Variants in RBFOX1 observed in about 807,000 individuals in gnomAD.
The protein encoded by RBFOX1 is RNA binding fox-1 homolog 1.
RBFOX1 carries 8 observed loss-of-function variants against 57.7 expected under a neutral mutation model. The ratio of observed to expected loss-of-function variants is 0.14; its 90% CI spans 0.08 to 0.25. The LOEUF (loss-of-function observed/expected upper bound fraction) is 0.25. Ranked by LOEUF, RBFOX1 falls within the 10% of genes least tolerant of loss-of-function variation. The probability of loss-of-function intolerance (pLI) is 1.00; values close to 1 mark genes in which losing one functional copy is unlikely to be tolerated. For synonymous variants in RBFOX1, 326 were observed against 222.4 expected, an observed-to-expected ratio of 1.47 and a Z score of -4.15; for missense variants, 611 against 548.5, an observed-to-expected ratio of 1.11 and a Z score of -1.14.
chr16:5,299,129 C>T (rs2063745754), intron 1 of RBFOX1, among the ~76,000 whole-genome samples: 1 of 151,428 alleles, frequency 6.6e-6, no homozygotes, highest in Non-Finnish European at 1.5e-5. Context: ...CAATTTCCAT[C>T]ACAATAAATT....
chr16:6,582,195 C>G (rs1358541718), intron 2 of RBFOX1, among the ~76,000 whole-genome samples: 3 of 152,140 alleles, frequency 2.0e-5, no homozygotes, highest in East Asian at 1.9e-4. Flanking sequence ...GTAAAAATTT[C>G]CAAAGAATTT....
At chr16:6,879,624 C>A (rs987519771) in intron 3 of RBFOX1, among the ~76,000 whole-genome samples, 1 of 152,238 alleles carries the variant, frequency 6.6e-6, no homozygotes, top group South Asian at 2.1e-4. Context: ...ATATGTCATG[C>A]GATGTTTTAG....
intron 3 of RBFOX1, among the ~76,000 whole-genome samples, chr16:5,821,891 G>C (rs547109251): frequency 6.6e-6 from 1 of 152,220 alleles, no homozygotes; most frequent in Non-Finnish European, 1.5e-5. Flanking sequence ...TATAAGGCAC[G>C]GAGCCTTCAT....
intron 4 of RBFOX1, among the ~76,000 whole-genome samples, chr16:7,408,178 T>G (rs1236320330): frequency 6.6e-6 from 1 of 152,202 alleles, no homozygotes; most frequent in Non-Finnish European, 1.5e-5. Flanking sequence ...GACAACCTCC[T>G]ATTGAACGTC....
At chr16:5,501,810 C>A (rs2043207174) in intron 2 of RBFOX1, among the ~76,000 whole-genome samples, 1 of 152,086 alleles carries the variant, frequency 6.6e-6, no homozygotes, top group Admixed American at 6.6e-5. Flanking sequence ...AACTCCTGGG[C>A]TCAAGTGATT....
chr16:6,659,338 T>G (rs987402978), intron 3 of RBFOX1, among the ~76,000 whole-genome samples: 7 of 152,056 alleles, frequency 4.6e-5, no homozygotes, highest in African/African-American at 1.7e-4. Flanking sequence ...GAAAGGAGTT[T>G]GAGTGGTTTT....
At chr16:7,190,431 G>A (rs750109344) in intron 4 of RBFOX1, among the ~76,000 whole-genome samples, 5 of 152,116 alleles carry the variant, frequency 3.3e-5, no homozygotes, top group Non-Finnish European at 5.9e-5. Flanking sequence ...GCCTTTACAA[G>A]CATTGATGCT....
In RBFOX1 at chr16:6,341,259, T is replaced by G. The variant is rs141270408; in HGVS notation, c.-64+24202T>G. Among the ~76,000 whole-genome samples the G allele has an allele frequency of 1.0e-3, 154 of 152,240 alleles. 2 individuals are homozygous for G. The highest frequency in any genetic ancestry group is 3.5e-3 in the African/African-American group (147 of 41,550). The stretch of plus-strand genomic sequence containing the variant: ...TTTGGCCACTAGAGGCTGCCTACAT[T>G]CCTTGGCTTGTGGCGTCCTTCCATT... On this transcript the variant is annotated intron_variant, in intron 2 of 15. Coordinates refer to ENST00000550418, the MANE Select transcript of RBFOX1 (RefSeq NM_018723.4).
chr16:6,747,668 A>C (rs759760901), intron 3 of RBFOX1, among the ~76,000 whole-genome samples: 18 of 152,082 alleles, frequency 1.2e-4, no homozygotes, highest in Non-Finnish European at 2.4e-4. Flanking sequence ...CACCACCCCT[A>C]CTATGTCCTT....
intron 2 of RBFOX1, among the ~76,000 whole-genome samples, chr16:5,547,116 A>G (rs1221928305): frequency 6.6e-6 from 1 of 152,220 alleles, no homozygotes; most frequent in African/African-American, 2.4e-5. Flanking sequence ...CTTGGCAAGG[A>G]TGAAGAGAAG....
intron 1 of RBFOX1, among the ~76,000 whole-genome samples, chr16:5,463,950 C>T (rs1206177663): frequency 6.6e-6 from 1 of 152,180 alleles, no homozygotes; most frequent in Non-Finnish European, 1.5e-5. Context: ...AGGTGTCCAG[C>T]AGCCTTTGAA....
intron 11 of RBFOX1, among the ~76,000 whole-genome samples, chr16:7,650,198 C>G (rs1038461396): frequency 2.6e-5 from 4 of 152,148 alleles, no homozygotes; most frequent in Admixed American, 6.5e-5. Flanking sequence ...GCCCCTTGGC[C>G]AGCCCTAGAT....
At chr16:6,178,903 C>T (rs1315498133) in intron 1 of RBFOX1, among the ~76,000 whole-genome samples, 3 of 152,168 alleles carry the variant, frequency 2.0e-5, no homozygotes, top group Non-Finnish European at 2.9e-5. Context: ...TAGCTGAATA[C>T]TCTCATATAA....
intron 3 of RBFOX1, among the ~76,000 whole-genome samples, chr16:6,960,140 TA>T (rs1234801356): frequency 6.6e-6 from 1 of 151,962 alleles, no homozygotes; most frequent in Middle Eastern, 3.2e-3. Flanking sequence ...TCTTGAGAAA[TA>T]AGTTTTTTGG....
At chr16:5,671,718 T>G (rs2050017757) in intron 3 of RBFOX1, among the ~76,000 whole-genome samples, 2 of 152,214 alleles carry the variant, frequency 1.3e-5, no homozygotes, top group Non-Finnish European at 2.9e-5. Context: ...CTCACCCTGT[T>G]ATTTTAGGAG....
rs2094577381 is a variant in RBFOX1, at chr16:6,450,772, TATATATATATATATATAC to T, written c.-64+133726_-64+133743del. Among the ~76,000 whole-genome samples the T allele has an allele frequency of 3.3e-4, 10 of 30,720 alleles. 3 individuals carry two copies. Among genetic ancestry groups the T allele is most frequent in the African/African-American group, 1.5e-3 (8 of 5,380 alleles). 20.2% of individuals were successfully genotyped at this position (30,720 alleles called of 152,430 possible). A position where few individuals can be genotyped will look rare whatever the true frequency, so the allele number is the denominator to read the frequency against. Reference sequence around the variant, plus strand: ...ATATATACATATATATATGTGTATATATATATATATATATATACATATATATATGTATATATATATATA... The same window carrying T: ...ATATATACATATATATATGTGTATATATATATATATGTATATATATATATA... On this transcript the variant is annotated intron_variant, in intron 2 of 15. Coordinates refer to ENST00000550418, the MANE Select transcript of RBFOX1 (RefSeq NM_018723.4).
intron 2 of RBFOX1, among the ~76,000 whole-genome samples, chr16:6,653,325 A>C (rs893234003): frequency 1.3e-5 from 2 of 152,294 alleles, no homozygotes; most frequent in Non-Finnish European, 2.9e-5. Context: ...TGTCTTGTCC[A>C]GAAGAATGTA....
intron 5 of RBFOX1, among the ~76,000 whole-genome samples, chr16:7,571,840 A>G (rs1378849362): frequency 6.6e-6 from 1 of 152,136 alleles, no homozygotes; most frequent in Non-Finnish European, 1.5e-5. Context: ...AAATAAAACA[A>G]AAGCTAGGCC....
intron 1 of RBFOX1, among the ~76,000 whole-genome samples, chr16:6,166,172 C>T (rs1389440627): frequency 1.3e-5 from 2 of 152,152 alleles, no homozygotes; most frequent in African/African-American, 4.8e-5. Flanking sequence ...GTTGGCAATT[C>T]AGTCACTGAC....
Sources: allele counts gnomAD v4.1 joint callset (sites outside exome capture counted in the v4.1 genomes callset), GRCh38; gene constraint gnomAD v4.1.1; transcripts MANE v1.5; gene names NCBI Gene and HGNC (gene_info 2026-07-23, HGNC 2026-07-21).